The following SUSD1 variants were observed in gnomAD, a reference collection of about 807,000 sequenced individuals.
SUSD1 encodes the protein sushi domain containing 1.
Under a neutral mutation model 86.9 loss-of-function variants are expected in SUSD1, and 65 were observed. The ratio of observed to expected loss-of-function variants is 0.75; its 90% CI spans 0.61 to 0.92. The LOEUF (loss-of-function observed/expected upper bound fraction) is 0.92, where lower values mean the gene tolerates loss of function less well. Among genes scored for constraint, SUSD1 ranks in the 40% least tolerant of loss-of-function variants. The pLI, the probability that SUSD1 is intolerant of heterozygous loss-of-function variation, is 0.00. For missense variants in SUSD1, 850 were observed against 929.7 expected, an observed-to-expected ratio of 0.91 and a Z score of 1.11; for synonymous variants, 346 against 350.0, an observed-to-expected ratio of 0.99 and a Z score of 0.13.
chr9:112,146,382 G>C (rs1054592022), intron 3 of SUSD1, among the ~76,000 whole-genome samples: 2 of 151,986 alleles, frequency 1.3e-5, no homozygotes, highest in Admixed American at 6.6e-5. Flanking sequence ...ACATCAAAAG[G>C]GTGAATTTGA....
At chr9:112,071,541 A>G in intron 12 of SUSD1, among the ~76,000 whole-genome samples, 1 of 152,210 alleles carries the variant, frequency 6.6e-6, no homozygotes, top group Admixed American at 6.5e-5. Flanking sequence ...TAATATCACT[A>G]ATGAAGGTAA....
At chr9:112,131,179 A>C (rs1016321024) in intron 5 of SUSD1, among the ~76,000 whole-genome samples, 2 of 152,214 alleles carry the variant, frequency 1.3e-5, no homozygotes, top group Admixed American at 6.5e-5. Flanking sequence ...TGTGGTTTGT[A>C]TGACCTCAAA....
chr9:112,165,144 T>C (rs1042274324), intron 1 of SUSD1, among the ~76,000 whole-genome samples: 3 of 152,170 alleles, frequency 2.0e-5, no homozygotes, highest in Non-Finnish European at 4.4e-5. Context: ...TTCTGACATT[T>C]CCTTCTTTTT....
intron 15 of SUSD1, among the ~76,000 whole-genome samples, chr9:112,043,884 TC>T (rs1316730117): frequency 6.6e-6 from 1 of 152,160 alleles, no homozygotes; most frequent in Non-Finnish European, 1.5e-5. Flanking sequence ...CACTGCAACC[TC>T]CACCTCCCGG....
chr9:112,048,299 A>G (rs1301024772), intron 15 of SUSD1, among the ~76,000 whole-genome samples: 3 of 152,226 alleles, frequency 2.0e-5, no homozygotes, highest in Non-Finnish European at 2.9e-5. Context: ...GTAGATGTAT[A>G]CCAAAGACAA....
At chr9:112,125,993 A>G (rs927110345) in intron 5 of SUSD1, among the ~76,000 whole-genome samples, 7 of 152,180 alleles carry the variant, frequency 4.6e-5, no homozygotes, top group Middle Eastern at 3.2e-3. Context: ...CTTTTCATGC[A>G]TATTCACCAG....
Position 112,041,445 on chromosome 9 carries a change from A to G in SUSD1, c.*47T>C, listed in dbSNP as rs200435366. 132 of 780,848 alleles carry G rather than the reference A, an allele frequency of 1.7e-4. No homozygotes were observed. The highest frequency in any genetic ancestry group is 2.7e-4 in the Non-Finnish European group (111 of 418,120). The allele number at this position is 780,848 out of a possible 1,614,324, so 48.4% of individuals were successfully genotyped here. On this transcript the variant is annotated 3_prime_UTR_variant, in exon 17 of 17. Coordinates refer to ENST00000374270, the MANE Select transcript of SUSD1 (RefSeq NM_022486.5). Reference sequence around the variant, plus strand: ...CGGGCACCTGAGAAGCTGCCAGAACACCTGCCCAGCAGCAGTGCATCCTCC... The same window carrying G: ...CGGGCACCTGAGAAGCTGCCAGAACGCCTGCCCAGCAGCAGTGCATCCTCC...
intron 11 of SUSD1, 22 bp from the exon 12 acceptor site, chr9:112,078,746 T>G (rs1368952205): frequency 6.2e-7 from 1 of 1,601,478 alleles, no homozygotes. Flanking sequence ...AAAAGCTCAC[T>G]GGGTGAATGG....
At chr9:112,146,313 TGA>T (rs2131775585) in intron 3 of SUSD1, 1 of 152,316 alleles carries the variant, frequency 6.6e-6, no homozygotes, top group African/African-American at 2.4e-5. Flanking sequence ...TGCTCCAAAA[TGA>T]GACAGTGGTG....
intron 9 of SUSD1, among the ~76,000 whole-genome samples, chr9:112,101,785 G>A: frequency 6.6e-6 from 1 of 152,222 alleles, no homozygotes; most frequent in East Asian, 1.9e-4. Context: ...GGCAGAGATT[G>A]CAGTGAGCCG....
In SUSD1 at chr9:112,173,756, C is replaced by T. The variant is rs1336483227; in HGVS notation, c.103+1377G>A. The T allele has an allele frequency of 8.4e-6, 3 of 358,314 alleles. No homozygotes were observed. In the Admixed American group the frequency reaches 8.9e-5, roughly 11 times the overall value. The allele number at this position is 358,314 out of a possible 1,614,324, so 22.2% of individuals were successfully genotyped here. ...TTAACCTCCTTGGGGTTTATGAGGG[C>T]AAGGCCTCAGCACGTGCACTCATGG... On this transcript the variant is annotated intron_variant, in intron 1 of 16. Coordinates refer to ENST00000374270, the MANE Select transcript of SUSD1 (RefSeq NM_022486.5).
At chr9:112,122,554 A>T (rs1831598159) in intron 6 of SUSD1, among the ~76,000 whole-genome samples, 1 of 152,120 alleles carries the variant, frequency 6.6e-6, no homozygotes, top group South Asian at 2.1e-4. Context: ...TCAGCCTCCC[A>T]AAGTACAGAG....
In SUSD1 at chr9:112,157,576, T is replaced by C; in HGVS notation, c.141A>G (p.Thr47=). ...TCTTCTTCCCTTCTCTTTGCTGGCA[T>C]GTGGCATGTTCATGGCAAGTGGCAC... is the stretch of plus-strand genomic sequence containing the variant. The part of the protein sequence containing the change: ...DVCATCHEHA[T]CQQREGKKIC... Residue 47 remains threonine (T), a synonymous_variant, in exon 2 of 17, where the codon ACA becomes ACG. Transcript: ENST00000374270. 6.2e-7 allele frequency: 1 copy of C among 1,614,192 alleles called. No homozygotes were observed. Among genetic ancestry groups the C allele is most frequent in the Non-Finnish European group, 8.5e-7 (1 of 1,180,028 alleles).
chr9:112,063,251 A>G (rs1828814739), intron 12 of SUSD1, among the ~76,000 whole-genome samples: 1 of 152,322 alleles, frequency 6.6e-6, no homozygotes, highest in Non-Finnish European at 1.5e-5. Context: ...AAAATCTAAC[A>G]TAGGCAAATT....
chr9:112,111,619 T>G (rs760945909), intron 8 of SUSD1, 35 bp downstream of exon 8: 3 of 1,601,242 alleles, frequency 1.9e-6, no homozygotes, highest in Non-Finnish European at 2.6e-6. Flanking sequence ...TGCTTAGCAT[T>G]TTCTAGGAGG....
chr9:112,063,840 A>T (rs867550138), intron 12 of SUSD1, among the ~76,000 whole-genome samples: 1 of 152,086 alleles, frequency 6.6e-6, no homozygotes. Context: ...AATCTTCTCA[A>T]CAGGGCTACC....
At chr9:112,120,790 GATCCACTGGTTTT>G (rs2131676621) in intron 6 of SUSD1, among the ~76,000 whole-genome samples, 1 of 152,330 alleles carries the variant, frequency 6.6e-6, no homozygotes, top group African/African-American at 2.4e-5. Flanking sequence ...GCCCCATGCA[GATCCACTGGTTTT>G]TCATGCGGTG....
chr9:112,104,049 C>CT (rs1256677539), intron 8 of SUSD1, among the ~76,000 whole-genome samples: 3 of 151,734 alleles, frequency 2.0e-5, no homozygotes, highest in East Asian at 1.9e-4. Context: ...CTTCTTCTCT[C>CT]TCTTTTTTTA....
At position 112,112,845 on chromosome 9, in the gene SUSD1, C is replaced by T. The variant is rs1034918989; in HGVS notation, c.910G>A (p.Val304Ile). The T allele has an allele frequency of 6.2e-7, 1 of 1,612,274 alleles. No homozygotes were observed. The highest frequency in any genetic ancestry group is 8.5e-7 in the Non-Finnish European group (1 of 1,178,456). ...ACACAGGTATCATTAAACAGTGATACATCATTAATCTTTGTCAGAATTTCT... is the reference window on the plus strand; with the variant it reads ...ACACAGGTATCATTAAACAGTGATATATCATTAATCTTTGTCAGAATTTCT... ...CTEILTKIND[V>I]SLFNDTCVRW... Residue 304 changes from valine to isoleucine, a missense_variant, in exon 7 of 17, where the codon GTA (valine) becomes ATA (isoleucine). Transcript: ENST00000374270.
Sources: gnomAD v4.1 joint callset for allele counts (sites outside exome capture counted in the v4.1 genomes callset) on GRCh38, gnomAD v4.1.1 for gene constraint, MANE v1.5 for transcripts, NCBI Gene and HGNC (gene_info 2026-07-23, HGNC 2026-07-21) for gene names.